EPS15: variants seen among roughly 807,000 people sequenced by gnomAD.
The protein encoded by EPS15 is epidermal growth factor receptor substrate 15.
Under a neutral mutation model 113.8 loss-of-function variants are expected in EPS15, and 72 were observed. The observed-to-expected ratio is 0.63, with a 90% CI of 0.52 to 0.77. The LOEUF (loss-of-function observed/expected upper bound fraction) is 0.77, where lower values mean the gene tolerates loss of function less well. Ranked by LOEUF, EPS15 falls within the 30% of genes least tolerant of loss-of-function variation. The pLI, the probability that EPS15 is intolerant of heterozygous loss-of-function variation, is 0.00. For missense variants in EPS15, 1,048 were observed against 1,045.8 expected (o/e 1.00, Z -0.03); for synonymous variants, 344 against 363.4 (o/e 0.95, Z 0.61).
chr1:51,414,209 C>G (rs781218092), intron 13 of EPS15, among the ~76,000 whole-genome samples: 3 of 151,944 alleles, frequency 2.0e-5, no homozygotes, highest in Non-Finnish European at 4.4e-5. Context: ...GTCAGGAGTT[C>G]GAGACCAGCC....
At chr1:51,382,802 C>T (rs1646972299) in intron 21 of EPS15, among the ~76,000 whole-genome samples, 1 of 152,148 alleles carries the variant, frequency 6.6e-6, no homozygotes. Flanking sequence ...GTGAATTCTA[C>T]CAAACATTTA....
At chr1:51,372,854 A>G (rs1006554359) in intron 21 of EPS15, 41 of 668,248 alleles carry the variant, frequency 6.1e-5, no homozygotes, top group South Asian at 1.8e-4. Flanking sequence ...TGGTTTGAGG[A>G]GGCTGAACTC....
At chr1:51,392,529 C>T (rs1035287688) in intron 21 of EPS15, among the ~76,000 whole-genome samples, 4 of 152,192 alleles carry the variant, frequency 2.6e-5, no homozygotes, top group African/African-American at 4.8e-5. Context: ...TAATGTAACA[C>T]TGTAACCTAC....
chr1:51,402,601 A>C, intron 17 of EPS15, 76 bp from the exon 18 acceptor site: 1 of 782,122 alleles, frequency 1.3e-6, no homozygotes, highest in Non-Finnish European at 2.1e-6. Context: ...ATAAAATAAC[A>C]CACATTCAGG....
intron 24 of EPS15, among the ~76,000 whole-genome samples, chr1:51,357,424 ATATT>A (rs1276558663): frequency 6.5e-4 from 44 of 68,180 alleles, no homozygotes; most frequent in African/African-American, 1.2e-3. Context: ...ATATATATAT[ATATT>A]TTTTTTTTTT....
intron 1 of EPS15, among the ~76,000 whole-genome samples, chr1:51,492,947 G>C (rs936326472): frequency 6.6e-6 from 1 of 152,172 alleles, no homozygotes; most frequent in African/African-American, 2.4e-5. Flanking sequence ...AAAAACAACA[G>C]CCGGGCGCGG....
At chr1:51,459,683 T>G (rs1320360891) in intron 8 of EPS15, among the ~76,000 whole-genome samples, 1 of 152,052 alleles carries the variant, frequency 6.6e-6, no homozygotes, top group Non-Finnish European at 1.5e-5. Context: ...ATTTTTCTAG[T>G]TATAATCCAA....
chr1:51,459,469 C>T (rs1654268647), intron 8 of EPS15, among the ~76,000 whole-genome samples: 1 of 151,990 alleles, frequency 6.6e-6, no homozygotes, highest in Non-Finnish European at 1.5e-5. Context: ...GCACTCCATA[C>T]TGGGCAACAG....
intron 8 of EPS15, among the ~76,000 whole-genome samples, chr1:51,454,433 T>A (rs1361778858): frequency 1.3e-5 from 2 of 152,204 alleles, no homozygotes; most frequent in Non-Finnish European, 2.9e-5. Context: ...CAAACACTTA[T>A]CTTAAATAAG....
At chr1:51,386,676 A>G (rs1208819416) in intron 21 of EPS15, among the ~76,000 whole-genome samples, 2 of 152,262 alleles carry the variant, frequency 1.3e-5, no homozygotes, top group Non-Finnish European at 2.9e-5. Flanking sequence ...AAGAATGCAG[A>G]AGCCTCAGCA....
intron 21 of EPS15, among the ~76,000 whole-genome samples, chr1:51,387,994 C>A (rs183061268): frequency 0.032 from 4,856 of 152,258 alleles, 127 homozygotes; most frequent in Non-Finnish European, 0.05. Context: ...CAGAACTCTC[C>A]ACCACAAATC....
intron 1 of EPS15, among the ~76,000 whole-genome samples, chr1:51,487,981 G>C (rs1025092952): frequency 2.6e-5 from 4 of 152,124 alleles, no homozygotes; most frequent in African/African-American, 4.8e-5. Context: ...ATGAACAGAG[G>C]AAAAAATTGA....
chr1:51,421,485 T>C (rs1017232348), intron 13 of EPS15, among the ~76,000 whole-genome samples: 2 of 152,076 alleles, frequency 1.3e-5, no homozygotes, highest in East Asian at 1.9e-4. Context: ...AATATTAACA[T>C]TGTAAGTCAT....
chr1:51,512,973 C>G (rs148137654), intron 1 of EPS15, among the ~76,000 whole-genome samples: 4 of 151,102 alleles, frequency 2.6e-5, no homozygotes, highest in African/African-American at 7.3e-5. Context: ...GGACTACGGG[C>G]ACACACCACC....
At chr1:51,493,222 G>A (rs1296626524) in intron 1 of EPS15, among the ~76,000 whole-genome samples, 1 of 152,106 alleles carries the variant, frequency 6.6e-6, no homozygotes, top group Non-Finnish European at 1.5e-5. Flanking sequence ...TTAGCCAGAC[G>A]TGGTGGTGGG....
chr1:51,457,448 C>G (rs1005465208), intron 8 of EPS15: 4 of 151,122 alleles, frequency 2.6e-5, no homozygotes, highest in Admixed American at 2.6e-4. Flanking sequence ...AGGTGCGAAT[C>G]CCCTACCCAA....
intron 8 of EPS15, among the ~76,000 whole-genome samples, chr1:51,452,634 A>G (rs1430303298): frequency 2.6e-5 from 4 of 152,200 alleles, no homozygotes; most frequent in Non-Finnish European, 4.4e-5. Flanking sequence ...ACTGAAGCTA[A>G]GATGCTAAGT....
chr1:51,378,977 G>T (rs929533560), intron 21 of EPS15, among the ~76,000 whole-genome samples: 1 of 152,254 alleles, frequency 6.6e-6, no homozygotes, highest in South Asian at 2.1e-4. Context: ...TATATAAAAA[G>T]GTCAACAAAC....
intron 12 of EPS15, among the ~76,000 whole-genome samples, chr1:51,431,311 TAAGTAACTG>T (rs1300269926): frequency 6.6e-6 from 1 of 152,060 alleles, no homozygotes; most frequent in Non-Finnish European, 1.5e-5. Flanking sequence ...TTTATGGGTG[TAAGTAACTG>T]AAAAGAGAGC....
Sources: allele counts gnomAD v4.1 joint callset (sites outside exome capture counted in the v4.1 genomes callset), GRCh38; gene constraint gnomAD v4.1.1; transcripts MANE v1.5; gene names NCBI Gene and HGNC (gene_info 2026-07-23, HGNC 2026-07-21).